NECAB3: variants seen among roughly 807,000 people sequenced by gnomAD.
NECAB3 encodes the protein N-terminal EF-hand calcium-binding protein 3.
Under a neutral mutation model 57.2 loss-of-function variants are expected in NECAB3, and 38 were observed. That is an observed-to-expected ratio of 0.66 (90% CI 0.51 to 0.87). NECAB3 has a LOEUF of 0.87. NECAB3 is among the 40% of genes least tolerant of loss of function. The pLI, the probability that NECAB3 is intolerant of heterozygous loss-of-function variation, is 0.00. For synonymous variants in NECAB3, 223 were observed against 222.6 expected, an observed-to-expected ratio of 1.00 and a Z score of -0.02; for missense variants, 474 against 527.5, an observed-to-expected ratio of 0.90 and a Z score of 0.99.
chr20:33,662,458 G>A (rs750019606), intron 5 of NECAB3: 3 of 1,551,692 alleles, frequency 1.9e-6, no homozygotes, highest in Non-Finnish European at 1.7e-6. Context: ...CACCTCACTC[G>A]GAAGAAGCCG....
At chr20:33,668,919 G>A (rs1233241874) in intron 5 of NECAB3, among the ~76,000 whole-genome samples, 4 of 152,246 alleles carry the variant, frequency 2.6e-5, no homozygotes, top group African/African-American at 9.6e-5. Flanking sequence ...AAACGCGTGG[G>A]TGTTCACGTA....
intron 5 of NECAB3, chr20:33,667,283 C>A: frequency 1.9e-6 from 1 of 519,140 alleles, no homozygotes; most frequent in Non-Finnish European, 3.0e-6. Flanking sequence ...TGCGAGCTGG[C>A]GGGCGGCGTG....
At chr20:33,669,057 A>G (rs926648149) in intron 5 of NECAB3, 5 of 326,042 alleles carry the variant, frequency 1.5e-5, no homozygotes, top group Non-Finnish European at 2.8e-5. Flanking sequence ...CTAAAGCAAC[A>G]GCAGCCCCTA....
At chr20:33,668,167 C>A in intron 5 of NECAB3, 2 of 1,612,370 alleles carry the variant, frequency 1.2e-6, no homozygotes, top group Middle Eastern at 1.7e-4. Flanking sequence ...CTCCTTCCAG[C>A]GCCGCTGGAT....
upstream of NECAB3, among the ~76,000 whole-genome samples, chr20:33,675,011 TG>T (rs1225712564): frequency 1.3e-5 from 2 of 151,922 alleles, no homozygotes; most frequent in Non-Finnish European, 2.9e-5. Context: ...CCTTGGCCCC[TG>T]AATAAAGCTT....
chr20:33,661,732 C>A (rs2017482271), intron 5 of NECAB3, among the ~76,000 whole-genome samples: 1 of 152,198 alleles, frequency 6.6e-6, no homozygotes, highest in African/African-American at 2.4e-5. Flanking sequence ...CTCACCGCAA[C>A]CTCTGCCTCC....
At chr20:33,663,785 C>T in intron 5 of NECAB3, 4 of 1,426,902 alleles carry the variant, frequency 2.8e-6, no homozygotes, top group Admixed American at 5.9e-5. Context: ...CGCTTCCGGT[C>T]CCCGGGGAAG....
upstream of NECAB3, chr20:33,674,483 C>T (rs1011340306): frequency 3.7e-6 from 3 of 814,844 alleles, no homozygotes; most frequent in East Asian, 1.1e-4. Flanking sequence ...CCCCGCCCCG[C>T]CCCCGCGGAC....
At chr20:33,673,491 C>G (rs1183943198) in intron 1 of NECAB3, among the ~76,000 whole-genome samples, 1 of 152,106 alleles carries the variant, frequency 6.6e-6, no homozygotes, top group Admixed American at 6.5e-5. Flanking sequence ...CTGGGGTCAC[C>G]CTATTGTATC....
At chr20:33,674,454 G>C (rs2017909243), upstream of NECAB3, 1 of 988,922 alleles carries the variant, frequency 1.0e-6, no homozygotes, top group Admixed American at 5.7e-5. Flanking sequence ...CGGCGCCGAC[G>C]CGCGGGCTCA....
chr20:33,669,733 G>T, intron 3 of NECAB3, 21 bp from the exon 4 acceptor site: 1 of 1,583,994 alleles, frequency 6.3e-7, no homozygotes, highest in Admixed American at 1.8e-5. Context: ...AAGAGAAGGC[G>T]CCCTTCAGAC....
chr20:33,667,170 C>T (rs913334782), intron 5 of NECAB3: 2 of 248,482 alleles, frequency 8.0e-6, no homozygotes, highest in Non-Finnish European at 1.5e-5. Flanking sequence ...GCTCGGGCTT[C>T]ACCAAGGCGG....
intron 1 of NECAB3, among the ~76,000 whole-genome samples, chr20:33,673,096 C>T (rs957786667): frequency 6.6e-6 from 1 of 152,192 alleles, no homozygotes; most frequent in Non-Finnish European, 1.5e-5. Context: ...AAGGCAAGTT[C>T]GGCAGATTTC....
At chr20:33,666,094 T>C (rs1241719098) in intron 5 of NECAB3, among the ~76,000 whole-genome samples, 1 of 150,762 alleles carries the variant, frequency 6.6e-6, no homozygotes, top group Non-Finnish European at 1.5e-5. Flanking sequence ...ATAATAATAA[T>C]AAAAAAAAGA....
rs200487658 is a variant in NECAB3 at position 33,657,988 on chromosome 20, G to A, written c.1116C>T (p.Ile372=). ...GGGTGTCCGGGGCCCGCAGGTGGTC[G>A]ATGAGGATGCGCTGGAAGGCCTTGC... The part of the protein sequence containing the change: ...PGSKAFQRIL[I]DHLRAPDTLT... The change falls in exon 11 of 12, where the codon ATC becomes ATT. Residue 372 remains isoleucine, a synonymous_variant. Coordinates refer to ENST00000246190, the MANE Select transcript of NECAB3 (RefSeq NM_031232.4). 53 of 1,556,688 alleles carry A rather than the reference G, an allele frequency of 3.4e-5. No homozygotes were observed. The African/African-American group carries it at 5.9e-4, about 17-fold the overall frequency.
At chr20:33,664,120 C>T (rs1016945420) in intron 5 of NECAB3, 5 of 452,280 alleles carry the variant, frequency 1.1e-5, no homozygotes, top group Admixed American at 4.4e-5. Flanking sequence ...GAGGCAGTTT[C>T]CTTCCCCCAA....
intron 5 of NECAB3, chr20:33,668,266 G>C (rs756880978): frequency 6.4e-7 from 1 of 1,551,836 alleles, no homozygotes; most frequent in South Asian, 1.2e-5. Context: ...GTGGCACTGC[G>C]TTGGGGGACA....
At chr20:33,658,350 C>T (rs2017350146) in intron 10 of NECAB3, 127 bp downstream of exon 10, 1 of 967,884 alleles carries the variant, frequency 1.0e-6, no homozygotes, top group Non-Finnish European at 1.6e-6. Flanking sequence ...GACTCGGGGG[C>T]TCGGGCAGGT....
Position 33,660,264 on chromosome 20 carries a change from G to T in NECAB3, c.519C>A (p.Gly173=), listed in dbSNP as rs2017426224. The T allele has an allele frequency of 6.2e-7, 1 of 1,612,738 alleles. No individual in the cohort carries two copies. The highest frequency in any genetic ancestry group is 8.5e-7 in the Non-Finnish European group (1 of 1,179,716). Residue 173 remains glycine, a synonymous_variant, in exon 6 of 12, where the codon GGC becomes GGA. Coordinates refer to ENST00000246190, the MANE Select transcript of NECAB3 (RefSeq NM_031232.4). This position sits in a 1 kb window ranked among gnomAD's most constrained non-coding sequence, Gnocchi z 4.1. ...ASDTLEAQAH[G]WRSDAESVEA... ...TTGACAGCACCCTTACATACCGCCA[G>T]CCATGGGCCTGGGCCTCCAGGGTAT...
Sources: gnomAD v4.1 joint callset for allele counts (sites outside exome capture counted in the v4.1 genomes callset) on GRCh38, gnomAD v4.1.1 for gene constraint, Gnocchi (gnomAD v3.1) non-coding constraint, MANE v1.5 for transcripts, NCBI Gene and HGNC (gene_info 2026-07-23, HGNC 2026-07-21) for gene names.